The following C4orf51 variants were observed in gnomAD, a reference collection of about 807,000 sequenced individuals.
The protein encoded by C4orf51 is chromosome 4 open reading frame 51, also known as uncharacterized protein C4orf51.
Under a neutral mutation model 25.2 loss-of-function variants are expected in C4orf51, and 25 were observed. That is an observed-to-expected ratio of 0.99 (90% CI 0.72 to 1.39). The LOEUF (loss-of-function observed/expected upper bound fraction) is 1.39, where lower values mean the gene tolerates loss of function less well. Ranked by LOEUF, C4orf51 falls within the 40% of genes most tolerant of loss-of-function variation. C4orf51 has a pLI of 0.00. For synonymous variants in C4orf51, 100 were observed against 84.5 expected (o/e 1.18, Z -1.01); for missense variants, 252 against 239.6 (o/e 1.05, Z -0.34).
chr4:145,768,010 T>A (rs1358918958), intron 1 of C4orf51, among the ~76,000 whole-genome samples: 1 of 152,154 alleles, frequency 6.6e-6, no homozygotes, highest in Non-Finnish European at 1.5e-5. Flanking sequence ...TAAACAAAAA[T>A]AACTGTTTTG....
At chr4:145,749,181 A>C (rs1037709128) in intron 1 of C4orf51, among the ~76,000 whole-genome samples, 3 of 151,096 alleles carry the variant, frequency 2.0e-5, no homozygotes, top group African/African-American at 7.3e-5. Flanking sequence ...ATTTTTGAAA[A>C]CTATTTTGTC....
intron 1 of C4orf51, among the ~76,000 whole-genome samples, chr4:145,752,097 A>G (rs1212091398): frequency 6.6e-6 from 1 of 152,140 alleles, no homozygotes; most frequent in Non-Finnish European, 1.5e-5. Context: ...CCATGAGCCA[A>G]TGTCTAGAAT....
At chr4:145,742,688 C>A (rs113185000) in intron 1 of C4orf51, among the ~76,000 whole-genome samples, 2,137 of 152,036 alleles carry the variant, frequency 0.014, 54 homozygotes, top group African/African-American at 0.048. Flanking sequence ...TACAGGCGCC[C>A]GCCACCACGC....
Position 145,698,358 on chromosome 4 carries a change from C to T in C4orf51, c.307+1726C>T, listed in dbSNP as rs933001086. ...TACATGTTAGGGAGACATGAGACAT[C>T]AATCAATACATGTAAGATGTACATT... On this transcript the variant is annotated intron_variant, in intron 2 of 5. Coordinates refer to ENST00000438731, the MANE Select transcript of C4orf51 (RefSeq NM_001080531.3). Among the ~76,000 whole-genome samples, 9 of 152,142 alleles carry T rather than the reference C, an allele frequency of 5.9e-5. No homozygotes were observed. In the South Asian group the frequency reaches 1.7e-3, roughly 28 times the overall value.
intron 1 of C4orf51, among the ~76,000 whole-genome samples, chr4:145,739,208 T>G (rs1732966399): frequency 6.6e-6 from 1 of 152,206 alleles, no homozygotes; most frequent in Non-Finnish European, 1.5e-5. Flanking sequence ...GTCCACTCAT[T>G]TAGTAATATA....
chr4:145,766,344 T>A (rs779711687), intron 1 of C4orf51, among the ~76,000 whole-genome samples: 3 of 152,220 alleles, frequency 2.0e-5, no homozygotes, highest in Non-Finnish European at 4.4e-5. Context: ...GGGTTTACCA[T>A]TACTACTAAC....
chr4:145,733,224 C>T (rs551392631), downstream of C4orf51, among the ~76,000 whole-genome samples: 90 of 152,108 alleles, frequency 5.9e-4, 1 homozygote, highest in Middle Eastern at 3.4e-3. Flanking sequence ...GAGCGGCCGT[C>T]TCCTTCTTCC....
chr4:145,689,921 G>A (rs1205078485), intron 1 of C4orf51, among the ~76,000 whole-genome samples: 1 of 152,232 alleles, frequency 6.6e-6, no homozygotes. Flanking sequence ...AATCCTAGAA[G>A]AGGCTGGGCG....
At chr4:145,704,996 C>T (rs1413968112) in intron 2 of C4orf51, among the ~76,000 whole-genome samples, 1 of 152,260 alleles carries the variant, frequency 6.6e-6, no homozygotes, top group East Asian at 1.9e-4. Context: ...CGTTAGCATG[C>T]TTCCAAGGCC....
intron 1 of C4orf51, among the ~76,000 whole-genome samples, chr4:145,695,355 T>C (rs1578939277): frequency 1.3e-5 from 2 of 152,236 alleles, no homozygotes; most frequent in East Asian, 3.8e-4. Flanking sequence ...GAGCTTTTTT[T>C]GATATGCTTT....
At chr4:145,729,102 T>C (rs1732272961) in intron 3 of C4orf51, 67 bp from the exon 4 acceptor site, 1 of 1,127,614 alleles carries the variant, frequency 8.9e-7, no homozygotes, top group African/African-American at 1.5e-5. Context: ...GTTGGGAAAA[T>C]GAATTTTATT....
downstream of C4orf51, among the ~76,000 whole-genome samples, chr4:145,773,124 T>C (rs940898734): frequency 2.0e-5 from 3 of 152,146 alleles, no homozygotes; most frequent in Admixed American, 6.5e-5. Flanking sequence ...AAAAAGACTA[T>C]CTGAAAAGCC....
At chr4:145,737,576 G>GTAA (rs1732872759), downstream of C4orf51, among the ~76,000 whole-genome samples, 2 of 151,876 alleles carry the variant, frequency 1.3e-5, no homozygotes, top group African/African-American at 4.8e-5. Flanking sequence ...ATCAGAGTGG[G>GTAA]TAATACATTT....
intron 1 of C4orf51, among the ~76,000 whole-genome samples, chr4:145,749,311 A>G (rs1315479836): frequency 1.3e-5 from 2 of 152,008 alleles, no homozygotes; most frequent in Non-Finnish European, 2.9e-5. Context: ...CTTGCAGGCA[A>G]CAGATCATTG....
At chr4:145,691,824 C>A (rs1729584522) in intron 1 of C4orf51, among the ~76,000 whole-genome samples, 1 of 88,788 alleles carries the variant, frequency 1.1e-5, no homozygotes, top group South Asian at 3.3e-4. Flanking sequence ...GTACTAAGTT[C>A]ACTGTTTGGG....
In C4orf51 at chr4:145,764,489, C is replaced by G. The variant is rs1174647655; in HGVS notation, n.167-6499C>G. ...GACATCAGTATGTTTGCAGGAGGAT[C>G]ATGAAGCACATGATCGTTGCATGAA... On this transcript the variant is annotated intron_variant and non_coding_transcript_variant, in intron 1 of 1. Coordinates refer to the C4orf51 transcript ENST00000510096. Among the ~76,000 whole-genome samples, 4 of 152,164 alleles carry G rather than the reference C, an allele frequency of 2.6e-5. No homozygotes were observed. The South Asian group carries it at 6.2e-4, about 24-fold the overall frequency.
chr4:145,751,468 T>A (rs186017164), intron 1 of C4orf51, among the ~76,000 whole-genome samples: 1 of 152,286 alleles, frequency 6.6e-6, no homozygotes, highest in African/African-American at 2.4e-5. Context: ...TTTGTCTTCT[T>A]CCCTTACTTT....
intron 1 of C4orf51, among the ~76,000 whole-genome samples, 193 bp downstream of exon 1, chr4:145,680,629 A>G (rs1310478910): frequency 6.6e-6 from 1 of 152,208 alleles, no homozygotes; most frequent in East Asian, 1.9e-4. Context: ...TTCTCTATTT[A>G]GTATTCCTAA....
At chr4:145,742,454 A>G (rs1438022751) in intron 1 of C4orf51, among the ~76,000 whole-genome samples, 1 of 151,590 alleles carries the variant, frequency 6.6e-6, no homozygotes, top group Non-Finnish European at 1.5e-5. Context: ...CTTTGCTCCA[A>G]CAAGTCTCAT....
Sources: gnomAD v4.1 joint callset for allele counts (sites outside exome capture counted in the v4.1 genomes callset) on GRCh38, gnomAD v4.1.1 for gene constraint, MANE v1.5 for transcripts, NCBI Gene and HGNC (gene_info 2026-07-23, HGNC 2026-07-21) for gene names.